The following NUP37 variants were observed in gnomAD, a reference collection of about 807,000 sequenced individuals.
NUP37 encodes the protein nucleoporin 37.
Under a neutral mutation model 45.4 loss-of-function variants are expected in NUP37, and 33 were observed. The observed-to-expected ratio is 0.73, with a 90% confidence interval of 0.55 to 0.97. The LOEUF is 0.97. Among genes scored for constraint, NUP37 ranks in the 50% least tolerant of loss-of-function variants. The probability of loss-of-function intolerance (pLI) is 0.00; values close to 1 mark genes in which losing one functional copy is unlikely to be tolerated. For synonymous variants in NUP37, 127 were observed against 130.7 expected (o/e 0.97, Z 0.19); for missense variants, 365 against 389.7 (o/e 0.94, Z 0.53).
At position 102,073,376 on chromosome 12, in the gene NUP37, T is replaced by G. The variant is rs1405065483; in HGVS notation, c.*978A>C. The G allele has an allele frequency of 6.6e-6, 1 of 152,172 alleles. No homozygotes were observed. The highest frequency in any genetic ancestry group is 2.4e-5 in the African/African-American group (1 of 41,416). The allele number at this position is 152,172 out of a possible 1,614,324, so 9.4% of individuals were successfully genotyped here. On this transcript the variant is annotated 3_prime_UTR_variant, in exon 10 of 10. Transcript: ENST00000552283. ...TTTGAGAGGGTGAACACAGTTCCAT[T>G]GCCAACAGGTCCCATCTCAAAAACA... is the stretch of plus-strand genomic sequence containing the variant.
intron 2 of NUP37, among the ~76,000 whole-genome samples, chr12:102,113,550 A>G (rs963818434): frequency 6.6e-6 from 1 of 152,220 alleles, no homozygotes; most frequent in Admixed American, 6.5e-5. Context: ...AAAATTTTGC[A>G]ATTTTAAAAA....
In NUP37 at chr12:102,105,158, G is replaced by A. The variant is rs565186492; in HGVS notation, c.282-4054C>T. 4.6e-5 allele frequency among the ~76,000 whole-genome samples: 7 copies of A among 152,270 alleles called. No individual in the cohort carries two copies. In the East Asian group the frequency reaches 1.3e-3, roughly 29 times the overall value. ...TTTGGCTTCGTTGGTTGTCTAGTGAGGGTTTATATGAAAGGGGATACTGTG... is the reference window on the plus strand; with the variant it reads ...TTTGGCTTCGTTGGTTGTCTAGTGAAGGTTTATATGAAAGGGGATACTGTG... On this transcript the variant is annotated intron_variant, in intron 3 of 9. Transcript: ENST00000552283.
chr12:102,110,673 C>T (rs368511286), intron 3 of NUP37, among the ~76,000 whole-genome samples: 27 of 152,164 alleles, frequency 1.8e-4, no homozygotes, highest in African/African-American at 5.3e-4. Context: ...AAATCCCTGT[C>T]CCTACAAAAA....
chr12:102,079,967 G>A (rs1879286238), intron 6 of NUP37, among the ~76,000 whole-genome samples: 1 of 152,080 alleles, frequency 6.6e-6, no homozygotes, highest in Non-Finnish European at 1.5e-5. Flanking sequence ...TGATTTTGGG[G>A]TTACAAATAA....
chr12:102,078,556 G>A (rs957590628), intron 6 of NUP37, among the ~76,000 whole-genome samples: 3 of 152,162 alleles, frequency 2.0e-5, no homozygotes, highest in Non-Finnish European at 4.4e-5. Context: ...GGAAGGCAGG[G>A]CAGCATAGTT....
At chr12:102,084,529 A>G (rs1879415579) in intron 6 of NUP37, among the ~76,000 whole-genome samples, 1 of 152,114 alleles carries the variant, frequency 6.6e-6, no homozygotes, top group Non-Finnish European at 1.5e-5. Flanking sequence ...CTATAGTCCC[A>G]GCTACTCGGG....
chr12:102,116,583 C>A (rs1253741412), intron 2 of NUP37, among the ~76,000 whole-genome samples: 1 of 152,152 alleles, frequency 6.6e-6, no homozygotes, highest in East Asian at 1.9e-4. Context: ...TCTACTCAGA[C>A]AGCAACAAAC....
At chr12:102,094,427 G>A (rs1271233956) in intron 5 of NUP37, among the ~76,000 whole-genome samples, 1 of 151,934 alleles carries the variant, frequency 6.6e-6, no homozygotes, top group Non-Finnish European at 1.5e-5. Context: ...ACCTTCAGAA[G>A]GCTCTCAGTT....
Position 102,097,677 on chromosome 12 carries a change from C to G in NUP37, c.449+1429G>C, listed in dbSNP as rs187430771. On this transcript the variant is annotated intron_variant, in intron 5 of 9. Transcript: ENST00000552283. Reference sequence around the variant, plus strand: ...CAAAGACACTCATTTTTCCCCTTTGCAGGTTTCATTATTCCAAATGCTTGT... The same window carrying G: ...CAAAGACACTCATTTTTCCCCTTTGGAGGTTTCATTATTCCAAATGCTTGT... Among the ~76,000 whole-genome samples the G allele has an allele frequency of 2.5e-3, 381 of 152,256 alleles. 3 individuals carry two copies. Among genetic ancestry groups the G allele is most frequent in the African/African-American group, 8.9e-3 (369 of 41,552 alleles).
At chr12:102,116,260 C>A (rs115805756) in intron 2 of NUP37, among the ~76,000 whole-genome samples, 5 of 152,140 alleles carry the variant, frequency 3.3e-5, no homozygotes, top group African/African-American at 1.2e-4. Context: ...ATTTCTTAAT[C>A]ATAAATGAGA....
chr12:102,076,497 T>G (rs1879171691), intron 8 of NUP37, among the ~76,000 whole-genome samples: 2 of 152,180 alleles, frequency 1.3e-5, no homozygotes, highest in Non-Finnish European at 2.9e-5. Context: ...TCCCCTACAT[T>G]TACATCCTTA....
At chr12:102,109,624 T>C (rs1188793789) in intron 3 of NUP37, among the ~76,000 whole-genome samples, 1 of 152,198 alleles carries the variant, frequency 6.6e-6, no homozygotes, top group Non-Finnish European at 1.5e-5. Flanking sequence ...CTAAAATTAA[T>C]GGCCTGCTAA....
chr12:102,088,484 T>A (rs1234796759), intron 5 of NUP37, among the ~76,000 whole-genome samples: 4 of 152,172 alleles, frequency 2.6e-5, no homozygotes, highest in African/African-American at 9.7e-5. Context: ...TTGCGCTCCC[T>A]TCTACTCATA....
At chr12:102,118,145 G>A (rs755109858) in intron 2 of NUP37, among the ~76,000 whole-genome samples, 1 of 152,016 alleles carries the variant, frequency 6.6e-6, no homozygotes, top group Non-Finnish European at 1.5e-5. Flanking sequence ...TGATCATGAG[G>A]CAAAAGTGAA....
chr12:102,100,442 TG>T (rs548230012), intron 4 of NUP37, among the ~76,000 whole-genome samples: 57 of 152,382 alleles, frequency 3.7e-4, no homozygotes, highest in South Asian at 1.9e-3. Flanking sequence ...GCGTTTACTA[TG>T]TATCAACATT....
chr12:102,083,506 T>G (rs552812836), intron 6 of NUP37, among the ~76,000 whole-genome samples: 1 of 152,216 alleles, frequency 6.6e-6, no homozygotes, highest in Non-Finnish European at 1.5e-5. Context: ...GCGAGAAGAT[T>G]TGGTTAATCC....
rs1879101295 is a variant in NUP37, at chr12:102,074,103, T to A, written c.*251A>T. The stretch of plus-strand genomic sequence containing the variant: ...GCATTATTTTTCCTTAGTCATCTCT[T>A]CTCTGGAGGTGAGCTGCTGAGTCAA... On this transcript the variant is annotated 3_prime_UTR_variant, in exon 10 of 10. Transcript: ENST00000552283. The A allele has an allele frequency of 8.5e-6, 2 of 234,876 alleles. No homozygotes were observed. Among genetic ancestry groups the A allele is most frequent in the Non-Finnish European group, 1.6e-5 (2 of 123,982 alleles). 14.5% of individuals were successfully genotyped at this position (234,876 alleles called of 1,614,324 possible). A position where few individuals can be genotyped will look rare whatever the true frequency, so the allele number is the denominator to read the frequency against.
At chr12:102,119,494 A>C (rs561325766) in intron 1 of NUP37, 5 of 152,370 alleles carry the variant, frequency 3.3e-5, no homozygotes, top group African/African-American at 1.2e-4. Flanking sequence ...TAGCATTCCC[A>C]CATGAGAATT....
In NUP37 at chr12:102,099,027, ATTTT is replaced by A. The variant is rs555244522; in HGVS notation, c.449+75_449+78del. The A allele has an allele frequency of 6.7e-5, 64 of 952,500 alleles. No homozygotes were observed. In the African/African-American group the frequency reaches 9.3e-4, roughly 14 times the overall value. 59.0% of individuals were successfully genotyped at this position (952,500 alleles called of 1,614,324 possible). A position where few individuals can be genotyped will look rare whatever the true frequency, so the allele number is the denominator to read the frequency against. On this transcript the variant is annotated intron_variant, in intron 5 of 9. Transcript: ENST00000552283. ...TCTATAGAATTTATGTAAAAGTCAC[ATTTT>A]TTTTTCTCATTTTAAAAATGTAATT...
Sources: allele counts gnomAD v4.1 joint callset (sites outside exome capture counted in the v4.1 genomes callset), GRCh38; gene constraint gnomAD v4.1.1; transcripts MANE v1.5; gene names NCBI Gene and HGNC (gene_info 2026-07-23, HGNC 2026-07-21).